Variants in TUBAL3 observed in about 807,000 individuals in gnomAD.
The protein encoded by TUBAL3 is tubulin alpha like 3, also known as tubulin alpha chain-like 3.
TUBAL3 carries 16 observed loss-of-function variants against 15.5 expected under a neutral mutation model. The ratio of observed to expected loss-of-function variants is 1.04; its 90% confidence interval spans 0.70 to 1.57. TUBAL3 has a LOEUF of 1.57. Among genes scored for constraint, TUBAL3 ranks in the 40% most tolerant of loss-of-function variants. The pLI is 0.00. For missense variants in TUBAL3, 609 were observed against 576.2 expected, an observed-to-expected ratio of 1.06 and a Z score of -0.58; for synonymous variants, 238 against 224.3, an observed-to-expected ratio of 1.06 and a Z score of -0.55.
chr10:5,400,796 T>G, intron 2 of TUBAL3, 48 bp downstream of exon 2: 1 of 1,610,114 alleles, frequency 6.2e-7, no homozygotes, highest in African/African-American at 1.3e-5. Flanking sequence ...CTTGATTTGT[T>G]TGAGTGTGGC....
In TUBAL3 at chr10:5,395,452, G is replaced by A. The variant is rs1218898366; in HGVS notation, c.271C>T (p.Arg91Cys). 22 of 1,573,784 alleles carry A rather than the reference G, an allele frequency of 1.4e-5. No homozygotes were observed. Among genetic ancestry groups the A allele is most frequent in the East Asian group, 7.1e-5 (3 of 42,378 alleles). The change falls in exon 3 of 4, where the codon CGT (arginine) becomes TGT (cysteine). Residue 91 changes from arginine to cysteine, a missense_variant. By Grantham distance (180) the Arg-to-Cys change is radical. Coordinates refer to ENST00000380419, the MANE Select transcript of TUBAL3 (RefSeq NM_024803.3). The surrounding 1 kb of genome is among the most constrained non-coding windows in gnomAD (Gnocchi z 4.6). ...VIDGIRTGQH[R>C]SLFHPEQLLS... The stretch of plus-strand genomic sequence containing the variant: ...AGCTGCTCGGGGTGGAAGAGTGAAC[G>A]GTGCTGGCCCGTCCGGATCCCATCT...
Position 5,396,114 on chromosome 10 carries a change from G to C in TUBAL3, c.248-639C>G, listed in dbSNP as rs936972010. On this transcript the variant is annotated intron_variant, in intron 2 of 3. Transcript: ENST00000380419. The surrounding 1 kb of genome is among the most constrained non-coding windows in gnomAD (Gnocchi z 5.1). ...GGGATTGCAGATGGGTATGAATTTGGGGGGACACACTTCAACCCACTGCCC... is the reference window on the plus strand; with the variant it reads ...GGGATTGCAGATGGGTATGAATTTGCGGGGACACACTTCAACCCACTGCCC... Among the ~76,000 whole-genome samples, 2 of 152,172 alleles carry C rather than the reference G, an allele frequency of 1.3e-5. No individual in the cohort carries two copies. Among genetic ancestry groups the C allele is most frequent in the East Asian group, 1.9e-4 (1 of 5,204 alleles).
In TUBAL3 at chr10:5,395,441, G is replaced by A. The variant is rs1554814043; in HGVS notation, c.282C>T (p.Phe94=). Residue 94 remains phenylalanine, a synonymous_variant, in exon 3 of 4, where the codon TTC becomes TTT. Coordinates refer to ENST00000380419, the MANE Select transcript of TUBAL3 (RefSeq NM_024803.3). This position sits in a 1 kb window ranked among gnomAD's most constrained non-coding sequence, Gnocchi z 4.6. ...TTCCGCTAAGGAGCTGCTCGGGGTG[G>A]AAGAGTGAACGGTGCTGGCCCGTCC... The part of the protein sequence containing the change: ...GIRTGQHRSL[F]HPEQLLSGKE... 6.3e-7 allele frequency: 1 copy of A among 1,599,620 alleles called. No individual in the cohort carries two copies. The highest frequency in any genetic ancestry group is 1.3e-5 in the African/African-American group (1 of 74,458).
chr10:5,394,541 A>G lies in TUBAL3; in HGVS notation c.397-80T>C, dbSNP rs1831733994. The G allele has an allele frequency of 2.2e-6, 3 of 1,345,508 alleles. No homozygotes were observed. The highest frequency in any genetic ancestry group is 2.9e-5 in the African/African-American group (2 of 68,518). 83.3% of individuals were successfully genotyped at this position (1,345,508 alleles called of 1,614,324 possible). A position where few individuals can be genotyped will look rare whatever the true frequency, so the allele number is the denominator to read the frequency against. The stretch of plus-strand genomic sequence containing the variant: ...AATTGGACAGTAGTGGCAGGATACA[A>G]CAGGTTTCCCCAAAACAAAATCTTT... On this transcript the variant is annotated intron_variant, in intron 3 of 3. Coordinates refer to ENST00000380419, the MANE Select transcript of TUBAL3 (RefSeq NM_024803.3). This position sits in a 1 kb window ranked among gnomAD's most constrained non-coding sequence, Gnocchi z 4.3.
rs1480719154 is a variant in TUBAL3 at position 5,394,626 on chromosome 10, C to A, written c.397-165G>T. 6.6e-6 allele frequency among the ~76,000 whole-genome samples: 1 copy of A among 152,218 alleles called. No individual in the cohort carries two copies. The highest frequency in any genetic ancestry group is 1.5e-5 in the Non-Finnish European group (1 of 68,038). ...ACAAACATAGCTACTTTGAAATACT[C>A]TCAAGGGGACTTCTGGAGTAGGCAA... On this transcript the variant is annotated intron_variant, in intron 3 of 3. Coordinates refer to ENST00000380419, the MANE Select transcript of TUBAL3 (RefSeq NM_024803.3). The surrounding 1 kb of genome is among the most constrained non-coding windows in gnomAD (Gnocchi z 4.3).
Position 5,397,080 on chromosome 10 carries a change from A to C in TUBAL3, c.248-1605T>G, listed in dbSNP as rs1831776404. On this transcript the variant is annotated intron_variant, in intron 2 of 3. Coordinates refer to ENST00000380419, the MANE Select transcript of TUBAL3 (RefSeq NM_024803.3). This position sits in a 1 kb window ranked among gnomAD's most constrained non-coding sequence, Gnocchi z 4.9. ...AAGTAACAATGATAGAACTGGCTTC[A>C]TGACATGCATTTATGCAGATTTACC... 6.6e-6 allele frequency among the ~76,000 whole-genome samples: 1 copy of C among 152,356 alleles called. No individual in the cohort carries two copies. The highest frequency in any genetic ancestry group is 1.9e-4 in the East Asian group (1 of 5,186).
intron 1 of TUBAL3, among the ~76,000 whole-genome samples, chr10:5,401,315 A>G (rs548638002): frequency 1.3e-5 from 2 of 152,254 alleles, no homozygotes; most frequent in Non-Finnish European, 2.9e-5. Context: ...AGTTTATTTT[A>G]ACAACATAAA....
At position 5,395,195 on chromosome 10, in the gene TUBAL3, G is replaced by T; in HGVS notation, c.396+132C>A. On this transcript the variant is annotated intron_variant, in intron 3 of 3. Coordinates refer to ENST00000380419, the MANE Select transcript of TUBAL3 (RefSeq NM_024803.3). This position sits in a 1 kb window ranked among gnomAD's most constrained non-coding sequence, Gnocchi z 4.6. ...AAGATGAGAACCCCTCCCCAGTTCTGAGCACCCAGACCAGAGCCCAGGGAG... is the reference window on the plus strand; with the variant it reads ...AAGATGAGAACCCCTCCCCAGTTCTTAGCACCCAGACCAGAGCCCAGGGAG... 1.0e-6 allele frequency: 1 copy of T among 980,608 alleles called. No individual in the cohort carries two copies. The highest frequency in any genetic ancestry group is 1.4e-6 in the Non-Finnish European group (1 of 710,054). 60.7% of individuals were successfully genotyped at this position (980,608 alleles called of 1,614,324 possible).
Position 5,393,176 on chromosome 10 carries a change from C to A in TUBAL3, c.*341G>T. The A allele has an allele frequency of 4.6e-6, 1 of 216,834 alleles. No homozygotes were observed. Among genetic ancestry groups the A allele is most frequent in the Non-Finnish European group, 9.0e-6 (1 of 111,184 alleles). 13.4% of individuals were successfully genotyped at this position (216,834 alleles called of 1,614,324 possible). ...AAAAAACATTCGTAATCAACATGTG[C>A]TGTTTTCTACTTCCGGTACCAGAAA... On this transcript the variant is annotated 3_prime_UTR_variant, in exon 4 of 4. Transcript: ENST00000380419.
chr10:5,399,053 A>C (rs1831808649), intron 2 of TUBAL3, among the ~76,000 whole-genome samples: 2 of 152,234 alleles, frequency 1.3e-5, no homozygotes, highest in Admixed American at 1.3e-4. Context: ...AGATTTAATA[A>C]GAAGGCAAAC....
rs148106464 is a variant in TUBAL3 at position 5,394,244 on chromosome 10, G to T, written c.614C>A (p.Thr205Lys). The change falls in exon 4 of 4, where the codon ACG becomes AAG. Residue 205 changes from threonine (T) to lysine (K), a missense_variant. Transcript: ENST00000380419. This position sits in a 1 kb window ranked among gnomAD's most constrained non-coding sequence, Gnocchi z 4.3. The stretch of plus-strand genomic sequence containing the variant: ...GTTGTCCACCATGAAGGTACAGTCC[G>T]TGTGCTCTGTGGTGGAGTGGGTGGT... Reference protein sequence around the residue: ...VLTTHSTTEHTDCTFMVDNEA... With the variant: ...VLTTHSTTEHKDCTFMVDNEA... The T allele has an allele frequency of 6.2e-7, 1 of 1,614,154 alleles. No homozygotes were observed. Among genetic ancestry groups the T allele is most frequent in the Admixed American group, 1.7e-5 (1 of 60,012 alleles).
In TUBAL3 at chr10:5,400,918, G is replaced by T. The variant is rs782479600; in HGVS notation, c.173C>A (p.Thr58Asn). 30 of 1,614,208 alleles carry T rather than the reference G, an allele frequency of 1.9e-5. No homozygotes were observed. The South Asian group carries it at 2.7e-4, about 15-fold the overall frequency. ...CCCAGCTCTTGTCTCACAGAAGAAG[G>T]TATCGAAAGATGCATTTGTGTGCTC... The part of the protein sequence containing the change: ...KMEHTNASFD[T>N]FFCETRAGKH... Residue 58 changes from threonine (T) to asparagine (N), a missense_variant, in exon 2 of 4, where the codon ACC (threonine) becomes AAC (asparagine). By Grantham distance (65) the Thr-to-Asn change is moderately conservative. Transcript: ENST00000380419.
In TUBAL3 at chr10:5,393,888, G is replaced by A. The variant is rs782078146; in HGVS notation, c.970C>T (p.Leu324=). 1.1e-5 allele frequency: 17 copies of A among 1,614,094 alleles called. No individual in the cohort carries two copies. The highest frequency in any genetic ancestry group is 1.4e-5 in the Non-Finnish European group (16 of 1,180,050). The part of the protein sequence containing the change: ...PRLGKYMACC[L]LYRGDVVPKE... ...GGGACCACATCCCCTCTATAGAGTAGGCAGCAGGCCATGTACTTCCCAAGC... is the reference window on the plus strand; with the variant it reads ...GGGACCACATCCCCTCTATAGAGTAAGCAGCAGGCCATGTACTTCCCAAGC... The change falls in exon 4 of 4, where the codon CTA becomes TTA. Residue 324 remains leucine (L), a synonymous_variant. Coordinates refer to ENST00000380419, the MANE Select transcript of TUBAL3 (RefSeq NM_024803.3).
intron 1 of TUBAL3, 87 bp from the exon 2 acceptor site, chr10:5,401,174 G>A: frequency 2.0e-6 from 3 of 1,537,542 alleles, no homozygotes; most frequent in Non-Finnish European, 2.6e-6. Flanking sequence ...ACAAATGACA[G>A]AAACCAAGCT....
At chr10:5,401,814 A>C (rs991017104) in intron 1 of TUBAL3, among the ~76,000 whole-genome samples, 1 of 152,174 alleles carries the variant, frequency 6.6e-6, no homozygotes, top group Admixed American at 6.5e-5. Context: ...TTACAAAAGA[A>C]AGACTCTAAA....
intron 2 of TUBAL3, among the ~76,000 whole-genome samples, chr10:5,398,022 C>G (rs751401962): frequency 1.3e-5 from 2 of 152,136 alleles, no homozygotes; most frequent in Non-Finnish European, 2.9e-5. Flanking sequence ...TGTGGTGGCT[C>G]ATGCCTGGAA....
In TUBAL3 at chr10:5,394,459, T is replaced by C; in HGVS notation, c.399A>G (p.Ala133=). 1.9e-6 allele frequency: 3 copies of C among 1,587,722 alleles called. No homozygotes were observed. Among genetic ancestry groups the C allele is most frequent in the Non-Finnish European group, 2.6e-6 (3 of 1,168,338 alleles). ...ATCCCTGAAGTCCACCACACTGTTCTGCCTGGAGAAAGTAAATGAGATGTG... is the reference window on the plus strand; with the variant it reads ...ATCCCTGAAGTCCACCACACTGTTCCGCCTGGAGAAAGTAAATGAGATGTG... ...DLVLERTRKL[A]EQCGGLQGFL... is the part of the protein sequence containing the mutation. The change falls in exon 4 of 4, where the codon GCA becomes GCG. Residue 133 remains alanine (A), a splice_region_variant and synonymous_variant. Coordinates refer to ENST00000380419, the MANE Select transcript of TUBAL3 (RefSeq NM_024803.3). This position sits in a 1 kb window ranked among gnomAD's most constrained non-coding sequence, Gnocchi z 4.3.
In TUBAL3 at chr10:5,396,751, C is replaced by CTCCT. The variant is rs1186142331; in HGVS notation, c.248-1280_248-1277dup. ...TTAAAAACCTGGGCAGCATGCCCTACTCCTCCACCTTAGAATTACTCAAAT... is the reference window on the plus strand; with the variant it reads ...TTAAAAACCTGGGCAGCATGCCCTACTCCTTCCTCCACCTTAGAATTACTCAAAT... On this transcript the variant is annotated intron_variant, in intron 2 of 3. Transcript: ENST00000380419. The surrounding 1 kb of genome is among the most constrained non-coding windows in gnomAD (Gnocchi z 5.1). Among the ~76,000 whole-genome samples the CTCCT allele has an allele frequency of 4.6e-5, 7 of 152,188 alleles. No homozygotes were observed. Among genetic ancestry groups the CTCCT allele is most frequent in the Non-Finnish European group, 8.8e-5 (6 of 68,036 alleles).
rs1831755767 is a variant in TUBAL3, at chr10:5,395,804, A to T, written c.248-329T>A. Among the ~76,000 whole-genome samples, 1 of 152,184 alleles carries T rather than the reference A, an allele frequency of 6.6e-6. No homozygotes were observed. Among genetic ancestry groups the T allele is most frequent in the African/African-American group, 2.4e-5 (1 of 41,456 alleles). ...TCCAGAGGCTGGAAGTCTAACATCA[A>T]GGCGTTGGTAGGCTTGGTTCCTGCT... On this transcript the variant is annotated intron_variant, in intron 2 of 3. Coordinates refer to ENST00000380419, the MANE Select transcript of TUBAL3 (RefSeq NM_024803.3). The surrounding 1 kb of genome is among the most constrained non-coding windows in gnomAD (Gnocchi z 4.6).
Sources: gnomAD v4.1 joint callset for allele counts (sites outside exome capture counted in the v4.1 genomes callset) on GRCh38, gnomAD v4.1.1 for gene constraint, Gnocchi (gnomAD v3.1) non-coding constraint, MANE v1.5 for transcripts, NCBI Gene and HGNC (gene_info 2026-07-23, HGNC 2026-07-21) for gene names.